CTNNA2: variants seen among roughly 807,000 people sequenced by gnomAD.
The protein encoded by CTNNA2 is catenin alpha-2.
Under a neutral mutation model 101.0 loss-of-function variants are expected in CTNNA2, and 42 were observed. The observed-to-expected ratio is 0.42, with a 90% CI of 0.32 to 0.54. The LOEUF is 0.54. CTNNA2 is among the 20% of genes least tolerant of loss of function. CTNNA2 has a pLI of 0.14. For synonymous variants in CTNNA2, 450 were observed against 456.4 expected, an observed-to-expected ratio of 0.99 and a Z score of 0.18; for missense variants, 871 against 1,223.1, an observed-to-expected ratio of 0.71 and a Z score of 4.29.
chr2:80,055,352 CTA>C (rs1422756647), intron 7 of CTNNA2, among the ~76,000 whole-genome samples: 1 of 152,224 alleles, frequency 6.6e-6, no homozygotes, highest in Admixed American at 6.5e-5. Flanking sequence ...TAAATTCTGT[CTA>C]CATGGTAATG....
intron 3 of CTNNA2, among the ~76,000 whole-genome samples, chr2:79,325,248 G>A (rs1384089937): frequency 6.6e-6 from 1 of 152,068 alleles, no homozygotes; most frequent in East Asian, 1.9e-4. Flanking sequence ...GCTTCCTAAG[G>A]CTCAGATCTT....
At chr2:79,466,675 G>A (rs754260642) in intron 4 of CTNNA2, among the ~76,000 whole-genome samples, 8 of 152,128 alleles carry the variant, frequency 5.3e-5, no homozygotes, top group Admixed American at 6.5e-5. Context: ...CCTCTGAGAC[G>A]GAGCTTCCAG....
At chr2:79,415,877 T>C (rs999015464) in intron 4 of CTNNA2, among the ~76,000 whole-genome samples, 1 of 152,136 alleles carries the variant, frequency 6.6e-6, no homozygotes, top group African/African-American at 2.4e-5. Flanking sequence ...AGTCTTACAA[T>C]TGGGGAAGTT....
chr2:80,474,265 G>C (rs183223710), intron 9 of CTNNA2, among the ~76,000 whole-genome samples: 6 of 152,312 alleles, frequency 3.9e-5, no homozygotes, highest in Non-Finnish European at 7.4e-5. Context: ...CAGACACCAA[G>C]TGACATGGTT....
chr2:79,345,690 T>C (rs181587288), intron 3 of CTNNA2, among the ~76,000 whole-genome samples: 4 of 152,156 alleles, frequency 2.6e-5, no homozygotes, highest in Admixed American at 6.5e-5. Flanking sequence ...TTTTGTTTTT[T>C]GTGGGTTGTT....
At chr2:79,778,141 A>T (rs1385236207) in intron 3 of CTNNA2, among the ~76,000 whole-genome samples, 1 of 151,960 alleles carries the variant, frequency 6.6e-6, no homozygotes, top group Non-Finnish European at 1.5e-5. Context: ...CAGGAGTTTG[A>T]GACCACCCAG....
intron 9 of CTNNA2, among the ~76,000 whole-genome samples, chr2:80,455,531 G>A (rs561140668): frequency 3.3e-5 from 5 of 152,264 alleles, no homozygotes; most frequent in African/African-American, 9.6e-5. Context: ...GTGAAGTTGC[G>A]AGTTAGTGGA....
intron 1 of CTNNA2, among the ~76,000 whole-genome samples, chr2:79,567,243 G>T (rs1019664808): frequency 1.4e-4 from 22 of 151,990 alleles, no homozygotes; most frequent in Non-Finnish European, 1.5e-5. Context: ...TGAAGTTGTT[G>T]TCATTTGTAA....
chr2:80,583,697 A>G (rs1030808772), intron 14 of CTNNA2, among the ~76,000 whole-genome samples: 1 of 152,154 alleles, frequency 6.6e-6, no homozygotes, highest in Non-Finnish European at 1.5e-5. Flanking sequence ...GAACAGTCCC[A>G]CTTTTACAAG....
chr2:80,630,887 T>C (rs1274694667), intron 18 of CTNNA2, among the ~76,000 whole-genome samples: 2 of 152,032 alleles, frequency 1.3e-5, no homozygotes, highest in Non-Finnish European at 2.9e-5. Flanking sequence ...ACCAAGCAAG[T>C]TGTAGGTAGA....
At chr2:80,578,295 G>A (rs1695236659) in intron 13 of CTNNA2, among the ~76,000 whole-genome samples, 1 of 152,112 alleles carries the variant, frequency 6.6e-6, no homozygotes, top group African/African-American at 2.4e-5. Flanking sequence ...ATTGAAAAAA[G>A]CCTTCCCAAA....
intron 18 of CTNNA2, among the ~76,000 whole-genome samples, chr2:80,628,645 C>T (rs775057240): frequency 1.3e-4 from 19 of 151,892 alleles, no homozygotes; most frequent in Non-Finnish European, 2.1e-4. Context: ...TTAGTTGTTC[C>T]GCAAACAGTT....
At chr2:80,109,666 G>A (rs1052894158) in intron 7 of CTNNA2, among the ~76,000 whole-genome samples, 1 of 150,606 alleles carries the variant, frequency 6.6e-6, no homozygotes, top group Non-Finnish European at 1.5e-5. Flanking sequence ...GTTTGGCGTG[G>A]AAACACATGC....
intron 15 of CTNNA2, among the ~76,000 whole-genome samples, chr2:80,593,644 T>C (rs1696703199): frequency 6.6e-6 from 1 of 152,158 alleles, no homozygotes; most frequent in Non-Finnish European, 1.5e-5. Context: ...CTGTACTTAC[T>C]GAATGTAAAC....
At chr2:79,416,448 C>T (rs1265865462) in intron 4 of CTNNA2, among the ~76,000 whole-genome samples, 2 of 151,850 alleles carry the variant, frequency 1.3e-5, no homozygotes, top group African/African-American at 2.4e-5. Flanking sequence ...AACATGTTAA[C>T]GTCTCTGCAG....
chr2:79,571,027 T>A (rs542469209), intron 1 of CTNNA2, among the ~76,000 whole-genome samples: 1 of 152,330 alleles, frequency 6.6e-6, no homozygotes, highest in South Asian at 2.1e-4. Context: ...TCTGCAGTGA[T>A]AACAACCCAA....
At chr2:79,203,878 G>A (rs1044551470) in intron 2 of CTNNA2, among the ~76,000 whole-genome samples, 28 of 152,138 alleles carry the variant, frequency 1.8e-4, no homozygotes, top group South Asian at 2.1e-4. Context: ...TGTCTCATCT[G>A]AATTGTATAA....
chr2:80,260,255 C>T (rs767676063), intron 7 of CTNNA2, among the ~76,000 whole-genome samples: 1 of 152,100 alleles, frequency 6.6e-6, no homozygotes, highest in East Asian at 1.9e-4. Flanking sequence ...TAATAAGCAA[C>T]GACCTGGAAG....
At chr2:80,550,928 CTTTAA>C (rs1446165613) in intron 11 of CTNNA2, among the ~76,000 whole-genome samples, 2 of 152,274 alleles carry the variant, frequency 1.3e-5, no homozygotes, top group Middle Eastern at 3.4e-3. Flanking sequence ...TCCAGAAGGC[CTTTAA>C]TTTACTTTGC....
Sources: allele counts gnomAD v4.1 joint callset (sites outside exome capture counted in the v4.1 genomes callset), GRCh38; gene constraint gnomAD v4.1.1; transcripts MANE v1.5; gene names NCBI Gene and HGNC (gene_info 2026-07-23, HGNC 2026-07-21).